Variants in WWTR1 observed in about 807,000 individuals in gnomAD.
WWTR1 encodes WW domain containing transcription regulator 1.
A neutral mutation model predicts 40.1 loss-of-function variants in WWTR1; 13 were observed. That is an observed-to-expected ratio of 0.32 (90% CI 0.21 to 0.52). The LOEUF (loss-of-function observed/expected upper bound fraction) is 0.52, where lower values mean the gene tolerates loss of function less well. WWTR1 is among the 20% of genes least tolerant of loss of function. WWTR1 has a pLI of 0.97. For synonymous variants in WWTR1, 230 were observed against 210.1 expected (o/e 1.09, Z -0.82); for missense variants, 436 against 523.1 (o/e 0.83, Z 1.63).
intron 1 of WWTR1, among the ~76,000 whole-genome samples, chr3:149,689,093 A>G (rs768729872): frequency 1.3e-5 from 2 of 152,166 alleles, no homozygotes; most frequent in Non-Finnish European, 2.9e-5. Flanking sequence ...TTGAAAATAC[A>G]TGGGCATGCT....
chr3:149,638,892 C>T (rs1333340896), intron 2 of WWTR1, among the ~76,000 whole-genome samples: 3 of 152,112 alleles, frequency 2.0e-5, no homozygotes, highest in African/African-American at 7.2e-5. Flanking sequence ...AGGCTTCAGG[C>T]AGGAAGCAAA....
At chr3:149,718,293 A>T (rs1715661570) in intron 4 of WWTR1, among the ~76,000 whole-genome samples, 1 of 152,170 alleles carries the variant, frequency 6.6e-6, no homozygotes, top group African/African-American at 2.4e-5. Context: ...TTAAGAAAAA[A>T]ACTGAGGAAG....
At position 149,652,843 on chromosome 3, in the gene WWTR1, GTAACAATCTAAGAATTAAATA is replaced by G. The variant is rs1199590430; in HGVS notation, c.431+4012_431+4032del. Among the ~76,000 whole-genome samples the G allele has an allele frequency of 1.8e-4, 28 of 151,954 alleles. No homozygotes were observed. The South Asian group carries it at 5.8e-3, about 32-fold the overall frequency. On this transcript the variant is annotated intron_variant, in intron 2 of 6. Coordinates refer to ENST00000360632, the MANE Select transcript of WWTR1 (RefSeq NM_015472.6). ...AAGCACATTACTTAAGCTTAAGAAG[GTAACAATCTAAGAATTAAATA>G]TGGGTACAGTTGAAAAAAATTAAAA...
At chr3:149,713,812 T>C (rs563160134) in intron 5 of WWTR1, among the ~76,000 whole-genome samples, 1 of 152,308 alleles carries the variant, frequency 6.6e-6, no homozygotes, top group South Asian at 2.1e-4. Flanking sequence ...GGCAGCGGTG[T>C]GACCCCTGTG....
chr3:149,520,202 TGCCTTTATAAATACAGACTAATAAGA>T lies in WWTR1; in HGVS notation c.*577_*602del, dbSNP rs1026003853. 24 of 152,332 alleles carry T rather than the reference TGCCTTTATAAATACAGACTAATAAGA, an allele frequency of 1.6e-4. No individual in the cohort carries two copies. The highest frequency in any genetic ancestry group is 5.1e-4 in the African/African-American group (21 of 41,578). 9.4% of individuals were successfully genotyped at this position (152,332 alleles called of 1,614,324 possible). A position where few individuals can be genotyped will look rare whatever the true frequency, so the allele number is the denominator to read the frequency against. On this transcript the variant is annotated 3_prime_UTR_variant, in exon 7 of 7. Coordinates refer to ENST00000360632, the MANE Select transcript of WWTR1 (RefSeq NM_015472.6). ...AAAGATAAGCTACAATAGGACTGTG[TGCCTTTATAAATACAGACTAATAAGA>T]GCCATCAGAGCCAGCATGGATTCAA...
intron 1 of WWTR1, among the ~76,000 whole-genome samples, chr3:149,692,743 C>G (rs1714866161): frequency 6.6e-6 from 1 of 152,152 alleles, no homozygotes; most frequent in South Asian, 2.1e-4. Flanking sequence ...AAGCGATTTT[C>G]CTGCCTCAGC....
intron 2 of WWTR1, among the ~76,000 whole-genome samples, chr3:149,584,326 G>C (rs906421974): frequency 6.6e-6 from 1 of 152,204 alleles, no homozygotes; most frequent in African/African-American, 2.4e-5. Context: ...CATGTGAAGA[G>C]ATTTAATTCC....
At chr3:149,606,739 G>A (rs928846376) in intron 2 of WWTR1, among the ~76,000 whole-genome samples, 4 of 152,056 alleles carry the variant, frequency 2.6e-5, no homozygotes, top group Admixed American at 2.0e-4. Context: ...ATGCTAACAG[G>A]GGAAACTTCA....
At chr3:149,670,318 A>T (rs1387530688) in intron 1 of WWTR1, among the ~76,000 whole-genome samples, 1 of 152,154 alleles carries the variant, frequency 6.6e-6, no homozygotes, top group Non-Finnish European at 1.5e-5. Context: ...CAGTTCATCC[A>T]AGGTTGCTGT....
At chr3:149,597,103 T>TTCTAGG (rs1252018512) in intron 2 of WWTR1, among the ~76,000 whole-genome samples, 1 of 152,176 alleles carries the variant, frequency 6.6e-6, no homozygotes, top group East Asian at 1.9e-4. Flanking sequence ...CACATAATTG[T>TTCTAGG]TTAATAAATG....
At chr3:149,612,421 G>T (rs553764959) in intron 2 of WWTR1, among the ~76,000 whole-genome samples, 1 of 151,918 alleles carries the variant, frequency 6.6e-6, no homozygotes, top group African/African-American at 2.4e-5. Context: ...TTGGCAGTTG[G>T]ATCATCATTA....
At chr3:149,572,006 A>G (rs899918350) in intron 3 of WWTR1, among the ~76,000 whole-genome samples, 4 of 152,190 alleles carry the variant, frequency 2.6e-5, no homozygotes, top group African/African-American at 9.7e-5. Context: ...TCAAGTCTAA[A>G]ATCGCACTTA....
intron 5 of WWTR1, among the ~76,000 whole-genome samples, chr3:149,712,391 A>G (rs1715495941): frequency 6.6e-6 from 1 of 152,198 alleles, no homozygotes; most frequent in South Asian, 2.1e-4. Flanking sequence ...AACACAAAAA[A>G]TTATCATTTC....
chr3:149,561,137 A>C (rs1333464102), intron 3 of WWTR1, among the ~76,000 whole-genome samples: 1 of 152,224 alleles, frequency 6.6e-6, no homozygotes, highest in Non-Finnish European at 1.5e-5. Context: ...TGTGTGCAAG[A>C]AAATGTATTG....
chr3:149,656,542 G>A (rs983242523), intron 2 of WWTR1, among the ~76,000 whole-genome samples: 2 of 152,090 alleles, frequency 1.3e-5, no homozygotes, highest in African/African-American at 2.4e-5. Context: ...ATCTGACTTA[G>A]AGTGGCCAAG....
chr3:149,664,483 T>C (rs1316057730), intron 2 of WWTR1, among the ~76,000 whole-genome samples: 1 of 152,216 alleles, frequency 6.6e-6, no homozygotes, highest in African/African-American at 2.4e-5. Flanking sequence ...CATTTTTGCA[T>C]TTACTCTTTT....
intron 1 of WWTR1, among the ~76,000 whole-genome samples, chr3:149,684,896 A>T (rs1176493536): frequency 6.6e-6 from 1 of 151,948 alleles, no homozygotes; most frequent in Non-Finnish European, 1.5e-5. Context: ...CTACATTCTG[A>T]TGGTGTCACC....
At chr3:149,557,061 C>CTTTTTTTTTTTTTTTTTTTTTTT (rs3044118) in intron 3 of WWTR1, among the ~76,000 whole-genome samples, 1 of 64,356 alleles carries the variant, frequency 1.6e-5, no homozygotes, top group African/African-American at 6.2e-5. Context: ...CTGGAATCTT[C>CTTTTTTTTTTTTTTTTTTTTTTT]TTTTTTTTTT....
rs1033329783 is a variant in WWTR1 at position 149,572,383 on chromosome 3, C to A, written c.568+481G>T. ...CGCCAGGAGCCAAAGTCACCCAAAGCGTGTATGTGTCCTACTTGCCTCAGG... is the reference window on the plus strand; with the variant it reads ...CGCCAGGAGCCAAAGTCACCCAAAGAGTGTATGTGTCCTACTTGCCTCAGG... On this transcript the variant is annotated intron_variant, in intron 3 of 6. Coordinates refer to ENST00000360632, the MANE Select transcript of WWTR1 (RefSeq NM_015472.6). Among the ~76,000 whole-genome samples the A allele has an allele frequency of 2.6e-5, 4 of 152,200 alleles. No individual in the cohort carries two copies. In the South Asian group the frequency reaches 8.3e-4, roughly 32 times the overall value.
Sources: allele counts gnomAD v4.1 joint callset (sites outside exome capture counted in the v4.1 genomes callset), GRCh38; gene constraint gnomAD v4.1.1; transcripts MANE v1.5; gene names NCBI Gene and HGNC (gene_info 2026-07-23, HGNC 2026-07-21).